Variants in PPEF1 observed in about 807,000 individuals in gnomAD.
PPEF1 encodes the protein protein phosphatase with EF-hand domain 1.
Under a neutral mutation model 53.3 loss-of-function variants are expected in PPEF1, and 12 were observed. The ratio of observed to expected loss-of-function variants is 0.23; its 90% CI spans 0.14 to 0.36. The LOEUF (loss-of-function observed/expected upper bound fraction) is 0.36. PPEF1 is among the 10% of genes least tolerant of loss of function. The pLI is 1.00. For synonymous variants in PPEF1, 165 were observed against 176.7 expected, an observed-to-expected ratio of 0.93 and a Z score of 0.52; for missense variants, 334 against 490.4, an observed-to-expected ratio of 0.68 and a Z score of 3.01.
rs1162551172 is a variant in PPEF1 at position 18,730,240 on chromosome X, G to A, written c.106G>A (p.Ala36Thr). The A allele has an allele frequency of 8.3e-7, 1 of 1,209,284 alleles. No individual in the cohort carries two copies. The highest frequency in any genetic ancestry group is 1.8e-5 in the South Asian group (1 of 56,887). ...CCGAGGTTACAAAGCTCGACTGAAG[G>A]CCAGACAACACTATGCCCTCACCAT... ...WYRGYKARLKARQHYALTIFQ... is the reference protein window; with the variant it reads ...WYRGYKARLKTRQHYALTIFQ... Residue 36 changes from alanine to threonine, a missense_variant, in exon 2 of 16, where the codon GCC (alanine) becomes ACC (threonine). By Grantham distance (58) the Ala-to-Thr change is moderately conservative (BLOSUM62 0). Coordinates refer to ENST00000470157, the MANE Select transcript of PPEF1 (RefSeq NM_001377996.1).
Position 18,806,564 on chromosome X carries a change from G to C in PPEF1, c.1394+19G>C, listed in dbSNP as rs1425254962. 1 of 1,183,568 alleles carries C rather than the reference G, an allele frequency of 8.4e-7. No homozygotes were observed. Among genetic ancestry groups the C allele is most frequent in the Admixed American group, 2.3e-5 (1 of 43,944 alleles). ...GCCAAAGGTGTGTATACTATACCGAGAGTGCTGAGCACTGGTATCACGGAC... is the reference window on the plus strand; with the variant it reads ...GCCAAAGGTGTGTATACTATACCGACAGTGCTGAGCACTGGTATCACGGAC... On this transcript the variant is annotated intron_variant, in intron 12 of 15. Transcript: ENST00000470157.
intron 6 of PPEF1, among the ~76,000 whole-genome samples, chrX:18,764,009 G>T (rs2045717100): frequency 8.9e-6 from 1 of 111,804 alleles, no homozygotes; most frequent in Non-Finnish European, 1.9e-5. Context: ...GGAAGGAAGA[G>T]AAGCCAGGAT....
chrX:18,730,430 G>T, intron 2 of PPEF1, 122 bp downstream of exon 2: 1 of 817,748 alleles, frequency 1.2e-6, no homozygotes, highest in African/African-American at 2.1e-5. Flanking sequence ...CTTTAATAGA[G>T]CATGTCATGA....
chrX:18,718,983 A>G (rs184115248), intron 1 of PPEF1, among the ~76,000 whole-genome samples: 51 of 112,407 alleles, frequency 4.5e-4, no homozygotes, highest in African/African-American at 1.6e-3. Flanking sequence ...GACATAAAAC[A>G]GAATTTGCAG....
At chrX:18,706,946 A>G (rs920407400), upstream of PPEF1, among the ~76,000 whole-genome samples, 10 of 99,915 alleles carry the variant, frequency 1.0e-4, no homozygotes, top group African/African-American at 3.7e-4. Flanking sequence ...CTGCTGCCTC[A>G]GCCTCCTGAG....
chrX:18,689,517 AT>A (rs747862998), intron 3 of PPEF1, among the ~76,000 whole-genome samples: 26 of 107,108 alleles, frequency 2.4e-4, no homozygotes, highest in Non-Finnish European at 3.9e-5. Flanking sequence ...ATAAAAATAA[AT>A]AAATAAAAAG....
At chrX:18,754,514 C>A (rs2045506797) in intron 4 of PPEF1, among the ~76,000 whole-genome samples, 1 of 111,579 alleles carries the variant, frequency 9.0e-6, no homozygotes, top group African/African-American at 3.3e-5. Context: ...TCTTAGATAG[C>A]TAAGGCTCCT....
intron 13 of PPEF1, among the ~76,000 whole-genome samples, chrX:18,819,555 A>G (rs1284503279): frequency 9.0e-6 from 1 of 110,990 alleles, no homozygotes; most frequent in African/African-American, 3.3e-5. Flanking sequence ...TTAGCCAGCC[A>G]TGGTGGCAGG....
At chrX:18,805,293 C>G (rs2046636808) in intron 11 of PPEF1, among the ~76,000 whole-genome samples, 1 of 111,369 alleles carries the variant, frequency 9.0e-6, no homozygotes, top group African/African-American at 3.3e-5. Context: ...CTGGAATGCA[C>G]CTTTTTCTAT....
chrX:18,805,241 C>T (rs1008107355), intron 11 of PPEF1, among the ~76,000 whole-genome samples: 14 of 110,606 alleles, frequency 1.3e-4, no homozygotes, highest in African/African-American at 3.9e-4. Context: ...GCCTCAGCCT[C>T]CCAAAGTGCT....
At chrX:18,720,185 AGAG>A (rs2044550506) in intron 1 of PPEF1, among the ~76,000 whole-genome samples, 1 of 112,226 alleles carries the variant, frequency 8.9e-6, no homozygotes, top group Non-Finnish European at 1.9e-5. Flanking sequence ...AGAGAAAGGC[AGAG>A]GAGTTGTTCC....
At chrX:18,700,852 A>C (rs1039520909) in intron 6 of PPEF1, among the ~76,000 whole-genome samples, 2 of 112,528 alleles carry the variant, frequency 1.8e-5, no homozygotes, top group Admixed American at 9.4e-5. Context: ...GTTTCTAGCT[A>C]TCTGTAAGAA....
chrX:18,703,200 T>G (rs2044123391), upstream of PPEF1, among the ~76,000 whole-genome samples: 1 of 111,507 alleles, frequency 9.0e-6, no homozygotes, highest in Admixed American at 9.6e-5. Context: ...AAGTGGCATC[T>G]TGCTTTAACC....
chrX:18,774,069 G>T (rs1367712066), intron 6 of PPEF1, among the ~76,000 whole-genome samples: 1 of 111,249 alleles, frequency 9.0e-6, no homozygotes, highest in African/African-American at 3.3e-5. Context: ...ATCTTTCCCT[G>T]ACTTGAGGAC....
At chrX:18,827,168 G>C in intron 15 of PPEF1, 108 bp from the exon 16 acceptor site, 1 of 587,981 alleles carries the variant, frequency 1.7e-6, no homozygotes, top group Admixed American at 3.0e-5. Context: ...TGATTAGGCA[G>C]TTTAGTGAGT....
chrX:18,722,986 G>A (rs777569149), intron 1 of PPEF1, among the ~76,000 whole-genome samples: 12 of 107,249 alleles, frequency 1.1e-4, no homozygotes, highest in African/African-American at 3.6e-4. Flanking sequence ...AGTAATTTGT[G>A]AATTTTTTTT....
chrX:18,760,946 A>C (rs962941050), intron 5 of PPEF1, among the ~76,000 whole-genome samples: 20 of 109,904 alleles, frequency 1.8e-4, no homozygotes, highest in African/African-American at 6.6e-4. Flanking sequence ...ATGCACAGCT[A>C]ATTTTTGTAT....
At chrX:18,725,871 C>A (rs1047758062) in intron 1 of PPEF1, among the ~76,000 whole-genome samples, 1 of 110,814 alleles carries the variant, frequency 9.0e-6, no homozygotes, top group African/African-American at 3.3e-5. Flanking sequence ...TACACCCCTC[C>A]CAGTGGAACC....
chrX:18,743,210 G>A (rs375642619), intron 3 of PPEF1, among the ~76,000 whole-genome samples: 4 of 111,342 alleles, frequency 3.6e-5, no homozygotes, highest in Admixed American at 9.6e-5. Flanking sequence ...GGGTTATAGC[G>A]CTTATATCTG....
Sources: gnomAD v4.1 joint callset for allele counts (sites outside exome capture counted in the v4.1 genomes callset) on GRCh38, gnomAD v4.1.1 for gene constraint, MANE v1.5 for transcripts, NCBI Gene and HGNC (gene_info 2026-07-23, HGNC 2026-07-21) for gene names.